Variants in FNTB observed in about 807,000 individuals in gnomAD.
FNTB encodes the protein protein farnesyltransferase subunit beta.
In FNTB, 27 loss-of-function variants were observed where a neutral mutation model predicts 59.4. The ratio of observed to expected loss-of-function variants is 0.45; its 90% CI spans 0.34 to 0.63. FNTB has a LOEUF of 0.63. FNTB is among the 20% of genes least tolerant of loss of function. The probability of loss-of-function intolerance (pLI) is 0.02; values close to 1 mark genes in which losing one functional copy is unlikely to be tolerated. For missense variants in FNTB, 449 were observed against 559.6 expected, an observed-to-expected ratio of 0.80 and a Z score of 1.99; for synonymous variants, 230 against 220.7, an observed-to-expected ratio of 1.04 and a Z score of -0.37.
At position 64,990,347 on chromosome 14, in the gene FNTB, A is replaced by G. The variant is rs137920270; in HGVS notation, c.144+3250A>G. 1.1e-3 allele frequency among the ~76,000 whole-genome samples: 174 copies of G among 152,244 alleles called. 4 individuals are homozygous for G. The highest frequency in any genetic ancestry group is 3.9e-3 in the African/African-American group (160 of 41,538). On this transcript the variant is annotated intron_variant, in intron 1 of 11. Coordinates refer to ENST00000246166, the MANE Select transcript of FNTB (RefSeq NM_002028.4). This position sits in a 1 kb window ranked among gnomAD's most constrained non-coding sequence, Gnocchi z 5.2. ...TGCTTTATGGCTGCGGGCCATGGGAAGTATTGCTGGGGGTGACCGAGAAGG... is the reference window on the plus strand; with the variant it reads ...TGCTTTATGGCTGCGGGCCATGGGAGGTATTGCTGGGGGTGACCGAGAAGG...
Position 64,990,856 on chromosome 14 carries a change from G to A in FNTB, c.144+3759G>A, listed in dbSNP as rs888672474. Among the ~76,000 whole-genome samples the A allele has an allele frequency of 3.3e-5, 5 of 152,198 alleles. No homozygotes were observed. Among genetic ancestry groups the A allele is most frequent in the African/African-American group, 4.8e-5 (2 of 41,440 alleles). On this transcript the variant is annotated intron_variant, in intron 1 of 11. Transcript: ENST00000246166. The surrounding 1 kb of genome is among the most constrained non-coding windows in gnomAD (Gnocchi z 5.2). ...TGACGGTGGCTTAGCTCACAGTGAC[G>A]GTAGTGGAGGTAATGAGAAATGGTC...
rs549700835 is a variant in FNTB at position 64,989,877 on chromosome 14, A to T, written c.144+2780A>T. Among the ~76,000 whole-genome samples the T allele has an allele frequency of 3.2e-4, 49 of 152,236 alleles. 1 individual carries two copies. In the South Asian group the frequency reaches 9.5e-3, roughly 30 times the overall value. ...TCTCAATATAAAATGTTAATTAGAA[A>T]CGCTGTGGAGAGTAACACCTTGGGA... On this transcript the variant is annotated intron_variant, in intron 1 of 11. Transcript: ENST00000246166.
intron 11 of FNTB, among the ~76,000 whole-genome samples, chr14:65,057,235 C>T (rs886545344): frequency 6.6e-6 from 1 of 152,176 alleles, no homozygotes; most frequent in Non-Finnish European, 1.5e-5. Context: ...CACATCCAAA[C>T]CATAGCATTT....
intron 4 of FNTB, among the ~76,000 whole-genome samples, 166 bp downstream of exon 4, chr14:65,015,882 T>C (rs1040315459): frequency 1.3e-5 from 2 of 152,238 alleles, no homozygotes; most frequent in African/African-American, 4.8e-5. Flanking sequence ...TCCTCCACTT[T>C]AGAAAACTAA....
chr14:65,008,731 C>G (rs186619490), intron 2 of FNTB, among the ~76,000 whole-genome samples: 5 of 152,208 alleles, frequency 3.3e-5, no homozygotes, highest in African/African-American at 9.6e-5. Flanking sequence ...GACCAGAGCT[C>G]AGGGGCGGAG....
chr14:65,026,126 G>T (rs1297453760), intron 4 of FNTB, among the ~76,000 whole-genome samples: 2 of 152,190 alleles, frequency 1.3e-5, no homozygotes, highest in Non-Finnish European at 2.9e-5. Context: ...AAAGCGCCCA[G>T]GAAAGAAGGC....
At chr14:65,018,843 G>A (rs1430507426) in intron 4 of FNTB, among the ~76,000 whole-genome samples, 1 of 149,308 alleles carries the variant, frequency 6.7e-6, no homozygotes, top group Non-Finnish European at 1.5e-5. Flanking sequence ...AGGCGCGGTG[G>A]CTCACACCTG....
At chr14:65,045,193 A>G (rs923128078) in intron 9 of FNTB, among the ~76,000 whole-genome samples, 9 of 152,050 alleles carry the variant, frequency 5.9e-5, no homozygotes, top group African/African-American at 1.9e-4. Flanking sequence ...GGTGTACTTG[A>G]TGTGAGAGCA....
intron 4 of FNTB, chr14:65,016,461 C>G (rs138052630): frequency 6.6e-6 from 1 of 152,230 alleles, no homozygotes; most frequent in African/African-American, 2.4e-5. Context: ...GGCAGCATCT[C>G]GAATTTCTCA....
At chr14:65,036,128 C>G (rs2062186048) in intron 7 of FNTB, among the ~76,000 whole-genome samples, 1 of 152,134 alleles carries the variant, frequency 6.6e-6, no homozygotes, top group South Asian at 2.1e-4. Context: ...CCACGATGGC[C>G]AGCCTGCCAT....
chr14:64,987,139 C>G, intron 1 of FNTB, 42 bp downstream of exon 1: 1 of 1,610,440 alleles, frequency 6.2e-7, no homozygotes, highest in Non-Finnish European at 8.5e-7. Flanking sequence ...GCGATGTGTT[C>G]TGGGAGCGCG....
chr14:64,987,430 C>T, intron 1 of FNTB: 1 of 383,398 alleles, frequency 2.6e-6, no homozygotes, highest in East Asian at 5.3e-5. Context: ...TCTGTTCTGC[C>T]AGTACTTCGG....
rs1416084335 is a variant in FNTB, at chr14:65,047,680, A to G, written c.955+3237A>G. 1.3e-5 allele frequency among the ~76,000 whole-genome samples: 2 copies of G among 152,312 alleles called. No individual in the cohort carries two copies. Among genetic ancestry groups the G allele is most frequent in the East Asian group, 3.9e-4 (2 of 5,184 alleles). On this transcript the variant is annotated intron_variant, in intron 9 of 11. Transcript: ENST00000246166. This position sits in a 1 kb window ranked among gnomAD's most constrained non-coding sequence, Gnocchi z 5.2. Reference sequence around the variant, plus strand: ...CACTGTCAGGAATTTACCTGCAGGGATATTAGCAAAGGATGTATATTGAAG... The same window carrying G: ...CACTGTCAGGAATTTACCTGCAGGGGTATTAGCAAAGGATGTATATTGAAG...
At chr14:65,026,579 G>A (rs931954853) in intron 4 of FNTB, among the ~76,000 whole-genome samples, 1 of 152,168 alleles carries the variant, frequency 6.6e-6, no homozygotes, top group Non-Finnish European at 1.5e-5. Context: ...GTGTTTTTCA[G>A]CCGGATGCAG....
chr14:65,041,838 A>G (rs950713484), intron 8 of FNTB, among the ~76,000 whole-genome samples: 1 of 152,200 alleles, frequency 6.6e-6, no homozygotes, highest in African/African-American at 2.4e-5. Flanking sequence ...TCTGAACACC[A>G]ATAAGGCATG....
At chr14:65,061,052 T>A in intron 11 of FNTB, 129 bp from the exon 12 acceptor site, 1 of 1,462,644 alleles carries the variant, frequency 6.8e-7, no homozygotes, top group South Asian at 1.4e-5. Flanking sequence ...TTTTTGAACC[T>A]TTGGGCTTTG....
rs546402671 is a variant in FNTB, at chr14:65,006,369, T to C, written c.209+2056T>C. On this transcript the variant is annotated intron_variant, in intron 2 of 11. Coordinates refer to ENST00000246166, the MANE Select transcript of FNTB (RefSeq NM_002028.4). ...AAACCAAATCTCTGCATTAACCCAA[T>C]GCTCTGACCTCAATAAAATGAATTA... 205 of 1,560,000 alleles carry C rather than the reference T, an allele frequency of 1.3e-4. 2 individuals are homozygous for C. In the South Asian group the frequency reaches 2.2e-3, roughly 17 times the overall value.
Position 65,054,604 on chromosome 14 carries a change from G to T in FNTB, c.1097G>T (p.Cys366Phe). The T allele has an allele frequency of 1.2e-6, 2 of 1,613,710 alleles. No individual in the cohort carries two copies. Among genetic ancestry groups the T allele is most frequent in the Non-Finnish European group, 1.7e-6 (2 of 1,179,876 alleles). ...KSRDFYHTCYCLSGLSIAQHF... is the reference protein window; with the variant it reads ...KSRDFYHTCYFLSGLSIAQHF... ...CGTGATTTCTACCACACCTGCTACTGCCTGAGCGGCCTGTCCATAGCCCAG... is the reference window on the plus strand; with the variant it reads ...CGTGATTTCTACCACACCTGCTACTTCCTGAGCGGCCTGTCCATAGCCCAG... The change falls in exon 11 of 12, where the codon TGC becomes TTC. Residue 366 changes from cysteine to phenylalanine, a missense_variant. Physicochemically the swap from Cys to Phe is radical, Grantham distance 205. Around this residue, in one of 2 missense-constraint regions of FNTB, gnomAD observed 337 missense variants for 479.1 expected, o/e 0.70. Transcript: ENST00000246166. This position sits in a 1 kb window ranked among gnomAD's most constrained non-coding sequence, Gnocchi z 4.4.
intron 7 of FNTB, among the ~76,000 whole-genome samples, chr14:65,038,574 C>T (rs749643457): frequency 7.9e-5 from 12 of 151,204 alleles, no homozygotes; most frequent in East Asian, 1.9e-4. Context: ...AAAAATTAGC[C>T]GGGCGTGGTG....
Sources: gnomAD v4.1 joint callset for allele counts (sites outside exome capture counted in the v4.1 genomes callset) on GRCh38, gnomAD v4.1.1 for gene constraint, gnomAD v4.1.1 regional missense constraint, Gnocchi (gnomAD v3.1) non-coding constraint, MANE v1.5 for transcripts, NCBI Gene and HGNC (gene_info 2026-07-23, HGNC 2026-07-21) for gene names.